RAP1GDS1: variants seen among roughly 807,000 people sequenced by gnomAD.
RAP1GDS1 encodes the protein Rap1 GTPase-GDP dissociation stimulator 1, also known as RAP1, GTP-GDP dissociation stimulator 1.
RAP1GDS1 carries 35 observed loss-of-function variants against 71.1 expected under a neutral mutation model. The observed-to-expected ratio is 0.49, with a 90% CI of 0.38 to 0.65. The LOEUF (loss-of-function observed/expected upper bound fraction) is 0.65. RAP1GDS1 is among the 30% of genes least tolerant of loss of function. The pLI is 0.00. For missense variants in RAP1GDS1, 663 were observed against 706.1 expected, an observed-to-expected ratio of 0.94 and a Z score of 0.69; for synonymous variants, 229 against 243.1, an observed-to-expected ratio of 0.94 and a Z score of 0.54.
At chr4:98,291,201 G>A (rs1726861051) in intron 1 of RAP1GDS1, among the ~76,000 whole-genome samples, 1 of 152,082 alleles carries the variant, frequency 6.6e-6, no homozygotes, top group African/African-American at 2.4e-5. Context: ...GGTAAGAAGT[G>A]GGAGACTCAG....
In RAP1GDS1 at chr4:98,385,221, A is replaced by G. The variant is rs1003988800; in HGVS notation, c.508+6058A>G. Among the ~76,000 whole-genome samples, 4 of 151,818 alleles carry G rather than the reference A, an allele frequency of 2.6e-5. No individual in the cohort carries two copies. In the South Asian group the frequency reaches 8.3e-4, roughly 31 times the overall value. On this transcript the variant is annotated intron_variant, in intron 5 of 14. Transcript: ENST00000408927. ...CTGATAGAATTTCAACATATAAAGC[A>G]TATAGGCAAATTTTCTCTTTACATG...
intron 1 of RAP1GDS1, among the ~76,000 whole-genome samples, chr4:98,286,886 TA>T (rs778410316): frequency 0.02 from 1,846 of 90,148 alleles, 21 homozygotes; most frequent in African/African-American, 0.032. Flanking sequence ...AACTCCGTCT[TA>T]AAAAAAAAAA....
chr4:98,372,965 T>C (rs965481853), intron 4 of RAP1GDS1, among the ~76,000 whole-genome samples: 2 of 152,182 alleles, frequency 1.3e-5, no homozygotes, highest in African/African-American at 4.8e-5. Context: ...GCTGAGATTA[T>C]AGGCGTGAGC....
Position 98,292,914 on chromosome 4 carries a change from G to C in RAP1GDS1, c.5-494G>C, listed in dbSNP as rs138673075. 6.6e-5 allele frequency among the ~76,000 whole-genome samples: 10 copies of C among 152,196 alleles called. No homozygotes were observed. In the East Asian group the frequency reaches 1.9e-3, roughly 29 times the overall value. ...GCTTAAAGCAGTACTTTGATGTGAA[G>C]TATTTTTGAAATGACAGTGTAAGTT... is the stretch of plus-strand genomic sequence containing the variant. On this transcript the variant is annotated intron_variant, in intron 1 of 14. Coordinates refer to ENST00000408927, the MANE Select transcript of RAP1GDS1 (RefSeq NM_001100427.2).
chr4:98,379,004 C>T lies in RAP1GDS1; in HGVS notation c.362-13C>T. 1 of 1,559,736 alleles carries T rather than the reference C, an allele frequency of 6.4e-7. No individual in the cohort carries two copies. The highest frequency in any genetic ancestry group is 8.7e-7 in the Non-Finnish European group (1 of 1,154,740). On this transcript the variant is annotated splice_polypyrimidine_tract_variant and intron_variant, in intron 4 of 14. Transcript: ENST00000408927. ...TTTTTCTTTTATTTTTAATTTAACT[C>T]TTTGTTTTACAGATGAGGGCAGAAG...
At chr4:98,406,195 A>G (rs1746088167) in intron 7 of RAP1GDS1, among the ~76,000 whole-genome samples, 2 of 152,082 alleles carry the variant, frequency 1.3e-5, no homozygotes, top group South Asian at 2.1e-4. Context: ...ATAAAAATAC[A>G]GTTTTAAGAC....
chr4:98,395,099 TG>T (rs1744318566), intron 6 of RAP1GDS1, among the ~76,000 whole-genome samples: 1 of 152,174 alleles, frequency 6.6e-6, no homozygotes, highest in South Asian at 2.1e-4. Flanking sequence ...GGCAGTCTTT[TG>T]TATTAGAGAA....
chr4:98,351,195 A>G (rs1207617826), intron 3 of RAP1GDS1, among the ~76,000 whole-genome samples: 2 of 152,214 alleles, frequency 1.3e-5, no homozygotes, highest in Non-Finnish European at 2.9e-5. Flanking sequence ...AACGTCAATG[A>G]TAAGCTCAAA....
chr4:98,422,914 T>C (rs981016460), intron 12 of RAP1GDS1, among the ~76,000 whole-genome samples: 9 of 152,196 alleles, frequency 5.9e-5, no homozygotes, highest in African/African-American at 2.2e-4. Flanking sequence ...AAGGTGGAAG[T>C]TGTCAGGAGA....
Position 98,312,223 on chromosome 4 carries a change from C to T in RAP1GDS1, c.112+18708C>T, listed in dbSNP as rs1037227680. 1.6e-4 allele frequency among the ~76,000 whole-genome samples: 25 copies of T among 152,258 alleles called. 1 individual carries two copies. The highest frequency in any genetic ancestry group is 5.5e-4 in the African/African-American group (23 of 41,544). On this transcript the variant is annotated intron_variant, in intron 2 of 14. Transcript: ENST00000408927. The stretch of plus-strand genomic sequence containing the variant: ...TTGCAATTCATGAACACCTTAGTAA[C>T]CCAGTCTCCAGCTAATAATTCTGTT...
intron 4 of RAP1GDS1, among the ~76,000 whole-genome samples, chr4:98,359,230 G>C (rs1349703370): frequency 6.6e-6 from 1 of 152,072 alleles, no homozygotes; most frequent in Admixed American, 6.6e-5. Flanking sequence ...TATTTGTTGG[G>C]TTAGGACCTA....
intron 11 of RAP1GDS1, 73 bp from the exon 12 acceptor site, chr4:98,421,182 T>C (rs1443818813): frequency 2.1e-6 from 3 of 1,414,868 alleles, no homozygotes; most frequent in Non-Finnish European, 2.9e-6. Context: ...CTTCACACTC[T>C]CAAATCTGTA....
chr4:98,416,681 C>T, intron 7 of RAP1GDS1, 64 bp from the exon 8 acceptor site: 1 of 1,432,576 alleles, frequency 7.0e-7, no homozygotes, highest in Non-Finnish European at 9.5e-7. Context: ...TTATAATGGA[C>T]TGCTTATACC....
intron 7 of RAP1GDS1, among the ~76,000 whole-genome samples, chr4:98,405,991 T>C (rs889525698): frequency 2.0e-5 from 3 of 152,100 alleles, no homozygotes; most frequent in Admixed American, 2.0e-4. Flanking sequence ...AAGACACTTG[T>C]GTTATCTGGA....
At chr4:98,274,522 A>G (rs1002969162) in intron 1 of RAP1GDS1, among the ~76,000 whole-genome samples, 4 of 152,226 alleles carry the variant, frequency 2.6e-5, no homozygotes, top group East Asian at 1.9e-4. Flanking sequence ...TTAAATAGCT[A>G]TGCTTTCACA....
At chr4:98,315,544 A>G (rs954875510) in intron 2 of RAP1GDS1, among the ~76,000 whole-genome samples, 1 of 152,164 alleles carries the variant, frequency 6.6e-6, no homozygotes, top group African/African-American at 2.4e-5. Flanking sequence ...TGGGAAGAAC[A>G]TCCTAAGCAA....
At chr4:98,418,955 T>C (rs940371700) in intron 10 of RAP1GDS1, among the ~76,000 whole-genome samples, 164 bp downstream of exon 10, 1 of 152,216 alleles carries the variant, frequency 6.6e-6, no homozygotes, top group Non-Finnish European at 1.5e-5. Context: ...GGAGATCATA[T>C]GTTAAATAAG....
chr4:98,392,813 A>G (rs939756213), intron 6 of RAP1GDS1, among the ~76,000 whole-genome samples: 14 of 152,194 alleles, frequency 9.2e-5, no homozygotes, highest in African/African-American at 3.4e-4. Context: ...ATCTCAAAAC[A>G]TGGCAGAGGA....
At chr4:98,382,280 A>G (rs1030227987) in intron 5 of RAP1GDS1, among the ~76,000 whole-genome samples, 2 of 151,674 alleles carry the variant, frequency 1.3e-5, no homozygotes, top group African/African-American at 4.8e-5. Context: ...AGTTGTATCA[A>G]TAATGCATAA....
Sources: allele counts gnomAD v4.1 joint callset (sites outside exome capture counted in the v4.1 genomes callset), GRCh38; gene constraint gnomAD v4.1.1; transcripts MANE v1.5; gene names NCBI Gene and HGNC (gene_info 2026-07-23, HGNC 2026-07-21).